GALNT18: variants seen among roughly 807,000 people sequenced by gnomAD.
GALNT18 encodes GalNAc-transferase 18.
In GALNT18, 44 loss-of-function variants were observed where a neutral mutation model predicts 69.5. The ratio of observed to expected loss-of-function variants is 0.63; its 90% CI spans 0.50 to 0.81. GALNT18 has a LOEUF of 0.81. GALNT18 is among the 40% of genes least tolerant of loss of function. The pLI, the probability that GALNT18 is intolerant of heterozygous loss-of-function variation, is 0.00. For missense variants in GALNT18, 715 were observed against 810.0 expected (o/e 0.88, Z 1.42); for synonymous variants, 364 against 318.2 (o/e 1.14, Z -1.53).
chr11:11,492,511 T>C (rs1328685825), intron 1 of GALNT18, among the ~76,000 whole-genome samples: 1 of 152,138 alleles, frequency 6.6e-6, no homozygotes, highest in Non-Finnish European at 1.5e-5. Flanking sequence ...TGTCCATCAA[T>C]GATAGACTGG....
chr11:11,505,888 C>A lies in GALNT18; in HGVS notation c.236-56952G>T, dbSNP rs970128809. On this transcript the variant is annotated intron_variant, in intron 1 of 10. Transcript: ENST00000227756. The surrounding 1 kb of genome is among the most constrained non-coding windows in gnomAD (Gnocchi z 4.6). ...CTAATCTCCGAGTCAGAGAAGCCAG[C>A]CATCCATCCTCACTCCTCTGAAAGG... Among the ~76,000 whole-genome samples, 3 of 152,210 alleles carry A rather than the reference C, an allele frequency of 2.0e-5. No homozygotes were observed. Among genetic ancestry groups the A allele is most frequent in the African/African-American group, 7.2e-5 (3 of 41,442 alleles).
intron 6 of GALNT18, among the ~76,000 whole-genome samples, chr11:11,360,278 C>T (rs1850616699): frequency 6.6e-6 from 1 of 152,216 alleles, no homozygotes; most frequent in African/African-American, 2.4e-5. Flanking sequence ...GTGTGAAGCC[C>T]CACCTAACTT....
rs1011575655 is a variant in GALNT18 at position 11,592,536 on chromosome 11, C to G, written c.235+28823G>C. Among the ~76,000 whole-genome samples the G allele has an allele frequency of 6.6e-6, 1 of 152,192 alleles. No homozygotes were observed. The highest frequency in any genetic ancestry group is 6.5e-5 in the Admixed American group (1 of 15,284). Reference sequence around the variant, plus strand: ...CATGCTCCCTCACCTTACCCCCACACACAGCACACGCCCTGGGTCTGGCAC... The same window carrying G: ...CATGCTCCCTCACCTTACCCCCACAGACAGCACACGCCCTGGGTCTGGCAC... On this transcript the variant is annotated intron_variant, in intron 1 of 10. Coordinates refer to ENST00000227756, the MANE Select transcript of GALNT18 (RefSeq NM_198516.3). This position sits in a 1 kb window ranked among gnomAD's most constrained non-coding sequence, Gnocchi z 5.9.
At chr11:11,536,405 G>A (rs954905419) in intron 1 of GALNT18, among the ~76,000 whole-genome samples, 2 of 152,144 alleles carry the variant, frequency 1.3e-5, no homozygotes, top group African/African-American at 2.4e-5. Flanking sequence ...AAGCCCCAGT[G>A]CTAAGCCAGG....
intron 1 of GALNT18, among the ~76,000 whole-genome samples, chr11:11,539,104 T>C (rs1037000462): frequency 1.1e-4 from 17 of 152,184 alleles, no homozygotes; most frequent in African/African-American, 4.1e-4. Flanking sequence ...CAAATGGGAA[T>C]GGTGCACCTG....
At chr11:11,552,348 C>T (rs1858217065) in intron 1 of GALNT18, among the ~76,000 whole-genome samples, 2 of 152,198 alleles carry the variant, frequency 1.3e-5, no homozygotes, top group Non-Finnish European at 2.9e-5. Flanking sequence ...TTCAGACATC[C>T]ACATTATCAC....
rs1174332551 is a variant in GALNT18, at chr11:11,573,789, G to A, written c.235+47570C>T. ...CCACTTGGAAGATGCCCATGCATGA[G>A]CGTCGACGGTGACTTCCCGAGGCTG... On this transcript the variant is annotated intron_variant, in intron 1 of 10. Coordinates refer to ENST00000227756, the MANE Select transcript of GALNT18 (RefSeq NM_198516.3). The surrounding 1 kb of genome is among the most constrained non-coding windows in gnomAD (Gnocchi z 4.6). 1 of 152,334 alleles carries A rather than the reference G, an allele frequency of 6.6e-6. No individual in the cohort carries two copies. The highest frequency in any genetic ancestry group is 1.5e-5 in the Non-Finnish European group (1 of 68,140). The allele number at this position is 152,334 out of a possible 1,614,324, so 9.4% of individuals were successfully genotyped here. A position where few individuals can be genotyped will look rare whatever the true frequency, so the allele number is the denominator to read the frequency against.
At chr11:11,321,506 C>T (rs1466387017) in intron 9 of GALNT18, among the ~76,000 whole-genome samples, 2 of 152,216 alleles carry the variant, frequency 1.3e-5, no homozygotes, top group Non-Finnish European at 1.5e-5. Flanking sequence ...CCCTTGAACT[C>T]AGGCATCCCA....
At chr11:11,451,621 G>A (rs961143842) in intron 1 of GALNT18, among the ~76,000 whole-genome samples, 1 of 152,124 alleles carries the variant, frequency 6.6e-6, no homozygotes, top group Non-Finnish European at 1.5e-5. Flanking sequence ...TTTCCTTATC[G>A]AATGTTGCCT....
chr11:11,440,271 C>T (rs1855506124), intron 2 of GALNT18, among the ~76,000 whole-genome samples: 1 of 152,196 alleles, frequency 6.6e-6, no homozygotes, highest in Non-Finnish European at 1.5e-5. Flanking sequence ...GTCCCTAAGA[C>T]ATCTTAGAAA....
intron 3 of GALNT18, among the ~76,000 whole-genome samples, chr11:11,407,186 G>A (rs901556): frequency 0.23 from 34,983 of 152,148 alleles, 4,110 homozygotes; most frequent in East Asian, 0.38. Context: ...GGCCAAGGCC[G>A]TAAAGGGGAG....
In GALNT18 at chr11:11,500,246, G is replaced by A. The variant is rs575711820; in HGVS notation, c.236-51310C>T. On this transcript the variant is annotated intron_variant, in intron 1 of 10. Coordinates refer to ENST00000227756, the MANE Select transcript of GALNT18 (RefSeq NM_198516.3). The surrounding 1 kb of genome is among the most constrained non-coding windows in gnomAD (Gnocchi z 5.0). Reference sequence around the variant, plus strand: ...AAAAGTATAGATCCAGACAGGTAGCGTTCACTGCCAAGAACCTGCAGGAGG... The same window carrying A: ...AAAAGTATAGATCCAGACAGGTAGCATTCACTGCCAAGAACCTGCAGGAGG... Among the ~76,000 whole-genome samples the A allele has an allele frequency of 2.0e-4, 30 of 152,298 alleles. No homozygotes were observed. The highest frequency in any genetic ancestry group is 3.4e-3 in the Middle Eastern group (1 of 294).
intron 3 of GALNT18, among the ~76,000 whole-genome samples, chr11:11,418,082 A>G (rs1000946052): frequency 1.3e-5 from 2 of 152,190 alleles, no homozygotes; most frequent in African/African-American, 4.8e-5. Context: ...TCAGCCATGC[A>G]TTGTTTAAGG....
At chr11:11,344,035 T>C (rs1460562378) in intron 6 of GALNT18, among the ~76,000 whole-genome samples, 3 of 152,104 alleles carry the variant, frequency 2.0e-5, no homozygotes, top group African/African-American at 7.2e-5. Flanking sequence ...CTGACCTCCC[T>C]CTTCCCATAT....
At chr11:11,501,722 A>G (rs193284613) in intron 1 of GALNT18, among the ~76,000 whole-genome samples, 11 of 152,292 alleles carry the variant, frequency 7.2e-5, no homozygotes, top group Admixed American at 5.2e-4. Flanking sequence ...TCTATTACTC[A>G]TATCAGCCAT....
chr11:11,455,966 G>A (rs1383591837), intron 1 of GALNT18, among the ~76,000 whole-genome samples: 6 of 152,158 alleles, frequency 3.9e-5, no homozygotes, highest in African/African-American at 1.4e-4. Flanking sequence ...GTGTACATCT[G>A]TAGCCCCAGC....
chr11:11,304,819 T>G (rs1452514204), intron 9 of GALNT18, among the ~76,000 whole-genome samples: 1 of 152,234 alleles, frequency 6.6e-6, no homozygotes, highest in Non-Finnish European at 1.5e-5. Context: ...TGTGATACAC[T>G]GTCTTTTTGT....
intron 9 of GALNT18, among the ~76,000 whole-genome samples, chr11:11,312,057 C>T (rs376210907): frequency 6.6e-6 from 1 of 152,164 alleles, no homozygotes; most frequent in Non-Finnish European, 1.5e-5. Context: ...CCCGGGTTCA[C>T]GCCGTTCTCC....
chr11:11,558,119 A>G (rs1270783862), intron 1 of GALNT18, among the ~76,000 whole-genome samples: 1 of 152,190 alleles, frequency 6.6e-6, no homozygotes, highest in East Asian at 1.9e-4. Flanking sequence ...TCCTTCTGCC[A>G]CAAGATGTTT....
Sources: gnomAD v4.1 joint callset for allele counts (sites outside exome capture counted in the v4.1 genomes callset) on GRCh38, gnomAD v4.1.1 for gene constraint, Gnocchi (gnomAD v3.1) non-coding constraint, MANE v1.5 for transcripts, NCBI Gene and HGNC (gene_info 2026-07-23, HGNC 2026-07-21) for gene names.